The following STK33 variants were observed in gnomAD, a reference collection of about 807,000 sequenced individuals.
STK33 encodes serine/threonine-protein kinase 33.
A neutral mutation model predicts 58.0 loss-of-function variants in STK33; 52 were observed. The observed-to-expected ratio is 0.90, with a 90% CI of 0.72 to 1.13. The LOEUF (loss-of-function observed/expected upper bound fraction) is 1.13. Among genes scored for constraint, STK33 ranks in the 50% most tolerant of loss-of-function variants. The pLI is 0.00. For synonymous variants in STK33, 215 were observed against 200.1 expected, an observed-to-expected ratio of 1.07 and a Z score of -0.63; for missense variants, 630 against 604.2, an observed-to-expected ratio of 1.04 and a Z score of -0.45.
intron 15 of STK33, among the ~76,000 whole-genome samples, chr11:8,397,115 T>C (rs1023734584): frequency 2.0e-5 from 3 of 152,164 alleles, no homozygotes; most frequent in Non-Finnish European, 4.4e-5. Context: ...AAAAGAGTAG[T>C]AGTTCTCCCA....
the STK33 span, among the ~76,000 whole-genome samples, chr11:8,337,595 G>C: frequency 5.9e-4 from 88 of 148,936 alleles, no homozygotes; most frequent in Admixed American, 3.8e-3. Flanking sequence ...GGAGCCACGA[G>C]GCAGCCTGCA....
At chr11:8,359,173 G>A in the STK33 span, among the ~76,000 whole-genome samples, 5 of 152,194 alleles carry the variant, frequency 3.3e-5, no homozygotes, top group Admixed American at 6.5e-5. Flanking sequence ...AGTGAGATGT[G>A]TGACCCCAAA....
In STK33 at chr11:8,395,153, G is replaced by C. The variant is rs535630631; in HGVS notation, c.1345-2443C>G. Among the ~76,000 whole-genome samples, 3 of 152,288 alleles carry C rather than the reference G, an allele frequency of 2.0e-5. No homozygotes were observed. In the South Asian group the frequency reaches 6.2e-4, roughly 32 times the overall value. ...TTCCTATGGTTCAATCTAATTCATT[G>C]ATGCGGTTTGGCTGTGTCCCCACCC... On this transcript the variant is annotated intron_variant, in intron 15 of 15. Coordinates refer to ENST00000687296, the MANE Select transcript of STK33 (RefSeq NM_001352389.2).
intron 1 of STK33, among the ~76,000 whole-genome samples, chr11:8,489,512 G>A (rs552579778): frequency 2.0e-4 from 30 of 152,250 alleles, no homozygotes; most frequent in Admixed American, 3.3e-4. Context: ...ATCTCATGGT[G>A]GAAGGCATCA....
the STK33 span, among the ~76,000 whole-genome samples, chr11:8,343,437 A>C: frequency 6.6e-6 from 1 of 152,212 alleles, no homozygotes; most frequent in African/African-American, 2.4e-5. Context: ...TTCTGAGGTG[A>C]CTGTGGCGGT....
At chr11:8,579,352 T>C (rs907160681) in intron 1 of STK33, among the ~76,000 whole-genome samples, 2 of 152,100 alleles carry the variant, frequency 1.3e-5, no homozygotes, top group Non-Finnish European at 2.9e-5. Flanking sequence ...CAATTTATAC[T>C]TGTATCCCTA....
chr11:8,375,809 G>A, the STK33 span, among the ~76,000 whole-genome samples: 5 of 152,226 alleles, frequency 3.3e-5, no homozygotes, highest in Non-Finnish European at 7.4e-5. Flanking sequence ...CTTCTGCCAC[G>A]ATTGTAAGTT....
At chr11:8,490,143 G>A (rs976357808) in intron 1 of STK33, among the ~76,000 whole-genome samples, 10 of 152,228 alleles carry the variant, frequency 6.6e-5, no homozygotes, top group African/African-American at 2.2e-4. Context: ...TGCAGGGGTC[G>A]AGGGATTTCC....
chr11:8,371,221 A>G, the STK33 span, among the ~76,000 whole-genome samples: 88,349 of 152,000 alleles, frequency 0.58, 25,865 homozygotes, highest in African/African-American at 0.64. Flanking sequence ...AGATGAAATC[A>G]TCCTAGATTT....
intron 1 of STK33, among the ~76,000 whole-genome samples, chr11:8,514,790 C>A (rs137861725): frequency 2.0e-3 from 300 of 152,250 alleles, no homozygotes; most frequent in African/African-American, 6.9e-3. Flanking sequence ...TAATGTCTGG[C>A]AAACAATTTA....
At chr11:8,411,498 T>C (rs1267628886) in intron 15 of STK33, among the ~76,000 whole-genome samples, 2 of 152,238 alleles carry the variant, frequency 1.3e-5, no homozygotes, top group African/African-American at 4.8e-5. Flanking sequence ...TCACTTACCC[T>C]GTCTGCTAGT....
At chr11:8,421,005 G>A (rs1339756139) in intron 14 of STK33, among the ~76,000 whole-genome samples, 1 of 151,400 alleles carries the variant, frequency 6.6e-6, no homozygotes, top group Non-Finnish European at 1.5e-5. Context: ...GGGAGGGGGG[G>A]AATATTTTTT....
chr11:8,556,211 G>A (rs1028848582), intron 1 of STK33, among the ~76,000 whole-genome samples: 6 of 152,152 alleles, frequency 3.9e-5, no homozygotes, highest in South Asian at 2.1e-4. Context: ...GGATTTTATC[G>A]GGTAATTGGG....
At chr11:8,432,379 A>G (rs1222479890) in intron 14 of STK33, among the ~76,000 whole-genome samples, 1 of 152,190 alleles carries the variant, frequency 6.6e-6, no homozygotes, top group African/African-American at 2.4e-5. Context: ...CAAGGAAGAA[A>G]TGAATGAAAG....
chr11:8,400,421 G>A (rs948558973), intron 15 of STK33, among the ~76,000 whole-genome samples: 1 of 152,034 alleles, frequency 6.6e-6, no homozygotes, highest in Non-Finnish European at 1.5e-5. Flanking sequence ...ATTCAACAAT[G>A]CTTCATGCTA....
At chr11:8,361,752 G>T in the STK33 span, among the ~76,000 whole-genome samples, 5 of 152,216 alleles carry the variant, frequency 3.3e-5, no homozygotes, top group African/African-American at 1.2e-4. The surrounding 1 kb of genome is among the most constrained non-coding windows in gnomAD (Gnocchi z 4.8). Context: ...CCTCTGCAAG[G>T]GTCAGGACAG....
chr11:8,449,153 G>A (rs1945926274), intron 11 of STK33, among the ~76,000 whole-genome samples: 1 of 151,582 alleles, frequency 6.6e-6, no homozygotes, highest in Non-Finnish European at 1.5e-5. Context: ...GAGAGGATGT[G>A]GAGAAATAGG....
the STK33 span, among the ~76,000 whole-genome samples, chr11:8,356,174 A>G: frequency 6.6e-6 from 1 of 152,228 alleles, no homozygotes; most frequent in Admixed American, 6.5e-5. Context: ...TGGGACTTAC[A>G]GGAGGTGTGC....
At chr11:8,502,829 A>G (rs1290070326) in intron 1 of STK33, among the ~76,000 whole-genome samples, 6 of 152,244 alleles carry the variant, frequency 3.9e-5, no homozygotes, top group East Asian at 1.9e-4. Context: ...GGACATGAAC[A>G]CTTTTCAAAA....
Sources: gnomAD v4.1 joint callset for allele counts (sites outside exome capture counted in the v4.1 genomes callset) on GRCh38, gnomAD v4.1.1 for gene constraint, Gnocchi (gnomAD v3.1) non-coding constraint, MANE v1.5 for transcripts, NCBI Gene and HGNC (gene_info 2026-07-23, HGNC 2026-07-21) for gene names.